The following ANKS1B variants were observed in gnomAD, a reference collection of about 807,000 sequenced individuals.
The protein encoded by ANKS1B is ankyrin repeat and sterile alpha motif domain-containing protein 1B.
A neutral mutation model predicts 148.3 loss-of-function variants in ANKS1B; 36 were observed. The ratio of observed to expected loss-of-function variants is 0.24; its 90% CI spans 0.19 to 0.32. The LOEUF is 0.32. Ranked by LOEUF, ANKS1B falls within the 10% of genes least tolerant of loss-of-function variation. The probability of loss-of-function intolerance (pLI) is 1.00; values close to 1 mark genes in which losing one functional copy is unlikely to be tolerated. For missense variants in ANKS1B, 1,157 were observed against 1,542.6 expected (o/e 0.75, Z 4.19); for synonymous variants, 542 against 560.8 (o/e 0.97, Z 0.47).
At chr12:98,894,222 G>A (rs1044478460) in intron 17 of ANKS1B, among the ~76,000 whole-genome samples, 1 of 152,162 alleles carries the variant, frequency 6.6e-6, no homozygotes, top group South Asian at 2.1e-4. Context: ...CAGCGCACCT[G>A]GAAATTACGT....
intron 14 of ANKS1B, among the ~76,000 whole-genome samples, chr12:99,240,240 C>CA (rs1029528515): frequency 1.3e-4 from 19 of 151,322 alleles, no homozygotes; most frequent in East Asian, 3.9e-4. Flanking sequence ...AAATGGAAAA[C>CA]AAAAAAAAGC....
intron 12 of ANKS1B, among the ~76,000 whole-genome samples, chr12:99,349,839 A>T (rs564522258): frequency 6.6e-6 from 1 of 152,174 alleles, no homozygotes; most frequent in East Asian, 1.9e-4. Flanking sequence ...CCTAATAGAG[A>T]AATACAGAAC....
chr12:99,918,576 G>T (rs888133562), intron 1 of ANKS1B, among the ~76,000 whole-genome samples: 3 of 152,060 alleles, frequency 2.0e-5, no homozygotes, highest in African/African-American at 4.8e-5. Context: ...CTTGACCCTG[G>T]GCAGTCTCAT....
intron 17 of ANKS1B, among the ~76,000 whole-genome samples, chr12:98,940,299 C>T (rs1320148710): frequency 6.6e-6 from 1 of 152,210 alleles, no homozygotes; most frequent in African/African-American, 2.4e-5. Flanking sequence ...AGATGGGAGC[C>T]TGACCTTGGG....
In ANKS1B at chr12:98,749,978, C is replaced by T. The variant is rs2098032434; in HGVS notation, c.3747+1377G>A. Among the ~76,000 whole-genome samples, 3 of 151,990 alleles carry T rather than the reference C, an allele frequency of 2.0e-5. No homozygotes were observed. The South Asian group carries it at 6.2e-4, about 32-fold the overall frequency. On this transcript the variant is annotated intron_variant, in intron 26 of 26. Transcript: ENST00000683438. ...TCCAGGCTGACTTGTAGACTTTGGG[C>T]TTGAGTTGCATGGTGAGTGGCTGTG... is the stretch of plus-strand genomic sequence containing the variant.
chr12:98,852,716 C>T (rs1468591225), intron 17 of ANKS1B, among the ~76,000 whole-genome samples: 1 of 152,208 alleles, frequency 6.6e-6, no homozygotes, highest in Non-Finnish European at 1.5e-5. Context: ...ACATTAAAAA[C>T]ACGTATCTTT....
intron 9 of ANKS1B, among the ~76,000 whole-genome samples, chr12:98,736,113 A>G (rs918171443): frequency 2.0e-5 from 3 of 152,200 alleles, no homozygotes; most frequent in African/African-American, 7.2e-5. Context: ...CTCTTAGGCC[A>G]CAGTAAGGAC....
intron 3 of ANKS1B, among the ~76,000 whole-genome samples, chr12:99,810,134 G>C (rs2068148993): frequency 6.6e-6 from 1 of 152,002 alleles, no homozygotes; most frequent in African/African-American, 2.4e-5. Flanking sequence ...CTCAGTCTCA[G>C]TTTCAGTCAC....
At chr12:99,692,084 T>A (rs1375508418) in intron 8 of ANKS1B, among the ~76,000 whole-genome samples, 1 of 152,134 alleles carries the variant, frequency 6.6e-6, no homozygotes, top group Non-Finnish European at 1.5e-5. Flanking sequence ...AAGTGGGAAG[T>A]TTTTTATAAT....
At chr12:99,358,858 G>A (rs1485826017) in intron 12 of ANKS1B, among the ~76,000 whole-genome samples, 1 of 152,084 alleles carries the variant, frequency 6.6e-6, no homozygotes, top group Non-Finnish European at 1.5e-5. Flanking sequence ...AGAATGTGGA[G>A]GTAGAACTAA....
At chr12:99,475,071 T>C (rs1014911077) in intron 10 of ANKS1B, among the ~76,000 whole-genome samples, 1 of 150,250 alleles carries the variant, frequency 6.7e-6, no homozygotes, top group African/African-American at 2.5e-5. Context: ...ATGCCATCTG[T>C]ACTAAAAATA....
intron 8 of ANKS1B, among the ~76,000 whole-genome samples, chr12:99,665,148 G>T (rs868296126): frequency 1.3e-5 from 2 of 152,156 alleles, no homozygotes; most frequent in African/African-American, 2.4e-5. Flanking sequence ...GAAAATGCTA[G>T]GTCACACGGT....
intron 12 of ANKS1B, among the ~76,000 whole-genome samples, chr12:99,333,151 T>C (rs1363956084): frequency 6.6e-6 from 1 of 152,024 alleles, no homozygotes; most frequent in African/African-American, 2.4e-5. Context: ...AGGCTGGAAA[T>C]GTAAATTTGG....
intron 12 of ANKS1B, among the ~76,000 whole-genome samples, chr12:99,381,716 G>C (rs1400202297): frequency 2.0e-5 from 3 of 152,210 alleles, no homozygotes; most frequent in Non-Finnish European, 4.4e-5. Flanking sequence ...AGGAAGTGTA[G>C]ACAGCTCTTT....
At chr12:99,510,594 A>G (rs1369030348) in intron 9 of ANKS1B, among the ~76,000 whole-genome samples, 1 of 151,996 alleles carries the variant, frequency 6.6e-6, no homozygotes, top group East Asian at 1.9e-4. Context: ...TGCTTCTTAC[A>G]GGCGAACAAA....
chr12:99,834,167 G>A (rs184772473), intron 1 of ANKS1B, among the ~76,000 whole-genome samples: 4 of 152,148 alleles, frequency 2.6e-5, no homozygotes, highest in African/African-American at 7.2e-5. Flanking sequence ...CTTTACTCAG[G>A]CATAATCTTC....
chr12:99,493,575 C>A (rs999547260), intron 10 of ANKS1B, among the ~76,000 whole-genome samples: 5 of 152,096 alleles, frequency 3.3e-5, no homozygotes, highest in Admixed American at 2.6e-4. Context: ...TTACCCTCAT[C>A]CTACTGTTTA....
intron 12 of ANKS1B, among the ~76,000 whole-genome samples, chr12:99,362,332 A>C (rs1418498888): frequency 1.3e-5 from 2 of 152,048 alleles, no homozygotes; most frequent in Non-Finnish European, 2.9e-5. Flanking sequence ...ATTATCTCAT[A>C]TCCAATCTTC....
intron 9 of ANKS1B, among the ~76,000 whole-genome samples, chr12:99,613,537 A>G (rs754136939): frequency 7.2e-5 from 11 of 152,068 alleles, no homozygotes; most frequent in Non-Finnish European, 1.3e-4. Context: ...AAAGAATGAG[A>G]TCATGTCCTT....
Sources: allele counts gnomAD v4.1 joint callset (sites outside exome capture counted in the v4.1 genomes callset), GRCh38; gene constraint gnomAD v4.1.1; transcripts MANE v1.5; gene names NCBI Gene and HGNC (gene_info 2026-07-23, HGNC 2026-07-21).